Variants in MARCHF1 observed in about 807,000 individuals in gnomAD.
MARCHF1 encodes the protein membrane associated ring-CH-type finger 1, also known as E3 ubiquitin-protein ligase MARCHF1.
In MARCHF1, 40 loss-of-function variants were observed where a neutral mutation model predicts 54.2. The ratio of observed to expected loss-of-function variants is 0.74; its 90% CI spans 0.57 to 0.96. The LOEUF is 0.96. Ranked by LOEUF, MARCHF1 falls within the 40% of genes least tolerant of loss-of-function variation. The pLI, the probability that MARCHF1 is intolerant of heterozygous loss-of-function variation, is 0.00. For missense variants in MARCHF1, 586 were observed against 656.5 expected (o/e 0.89, Z 1.17); for synonymous variants, 236 against 236.3 (o/e 1.00, Z 0.01).
At chr4:163,556,884 AT>A (rs575344370) in intron 8 of MARCHF1, among the ~76,000 whole-genome samples, 5,175 of 143,764 alleles carry the variant, frequency 0.036, 222 homozygotes, top group African/African-American at 0.11. Context: ...AAAACTGAAG[AT>A]TTTTTTTTTT....
At chr4:163,583,140 G>A (rs1009370350) in intron 8 of MARCHF1, among the ~76,000 whole-genome samples, 1 of 152,188 alleles carries the variant, frequency 6.6e-6, no homozygotes, top group South Asian at 2.1e-4. Context: ...CTCAGGATCA[G>A]AAAGAGAGGG....
intron 4 of MARCHF1, among the ~76,000 whole-genome samples, chr4:163,786,191 G>A (rs778627929): frequency 3.3e-5 from 5 of 152,088 alleles, no homozygotes; most frequent in Non-Finnish European, 7.4e-5. Flanking sequence ...AAGCCACTAA[G>A]TTGTGTTAAT....
At chr4:163,646,598 T>TA (rs150131252) in intron 5 of MARCHF1, among the ~76,000 whole-genome samples, 21 of 152,014 alleles carry the variant, frequency 1.4e-4, no homozygotes, top group Non-Finnish European at 2.9e-4. Flanking sequence ...ATACACAATA[T>TA]AAAAATATGT....
At chr4:163,783,953 G>A (rs144584929) in intron 4 of MARCHF1, among the ~76,000 whole-genome samples, 52 of 152,060 alleles carry the variant, frequency 3.4e-4, no homozygotes, top group Non-Finnish European at 6.9e-4. Flanking sequence ...TTTTACCCTG[G>A]AAAAAATATA....
chr4:164,316,368 T>C (rs1450868984), intron 1 of MARCHF1, among the ~76,000 whole-genome samples: 1 of 152,190 alleles, frequency 6.6e-6, no homozygotes, highest in East Asian at 1.9e-4. Flanking sequence ...GCTCACCAGC[T>C]AGTTAGTATT....
chr4:163,720,496 G>A (rs1453228595), intron 4 of MARCHF1, among the ~76,000 whole-genome samples: 2 of 152,154 alleles, frequency 1.3e-5, no homozygotes, highest in African/African-American at 4.8e-5. Flanking sequence ...GCTTAAGATT[G>A]TCTTGGCAAT....
At chr4:163,763,200 G>A (rs1746877434) in intron 4 of MARCHF1, among the ~76,000 whole-genome samples, 1 of 151,914 alleles carries the variant, frequency 6.6e-6, no homozygotes. Flanking sequence ...AGAAATCAAG[G>A]GAGGCCCTAG....
At chr4:164,178,502 G>A (rs1323208368) in intron 1 of MARCHF1, among the ~76,000 whole-genome samples, 1 of 152,106 alleles carries the variant, frequency 6.6e-6, no homozygotes. Context: ...ATGTATGTGA[G>A]GTTTCCTTAC....
At chr4:164,227,167 C>T (rs1256688141) in intron 1 of MARCHF1, among the ~76,000 whole-genome samples, 2 of 152,096 alleles carry the variant, frequency 1.3e-5, no homozygotes, top group African/African-American at 4.8e-5. Context: ...ACTCACAATT[C>T]CACATGGCTG....
At chr4:164,068,628 A>G (rs570989887) in intron 2 of MARCHF1, among the ~76,000 whole-genome samples, 101 of 152,210 alleles carry the variant, frequency 6.6e-4, no homozygotes, top group Non-Finnish European at 1.3e-3. Context: ...GCCATGCCTG[A>G]GCCTCCCCCA....
intron 1 of MARCHF1, among the ~76,000 whole-genome samples, chr4:164,274,703 G>A (rs1338284024): frequency 2.1e-5 from 2 of 96,898 alleles, no homozygotes; most frequent in Non-Finnish European, 3.8e-5. Context: ...TTTAGACGGA[G>A]TCTCGCTCTG....
chr4:163,592,245 C>A (rs781284194), intron 7 of MARCHF1, among the ~76,000 whole-genome samples: 6 of 152,068 alleles, frequency 3.9e-5, no homozygotes, highest in Non-Finnish European at 8.8e-5. Context: ...CATGTGCAGA[C>A]GAGTGACAGT....
intron 5 of MARCHF1, among the ~76,000 whole-genome samples, chr4:163,687,496 C>G (rs915675433): frequency 1.3e-5 from 2 of 151,956 alleles, no homozygotes; most frequent in African/African-American, 4.8e-5. Flanking sequence ...AAGATCTTTG[C>G]TGAAAAAATA....
At position 163,661,789 on chromosome 4, in the gene MARCHF1, T is replaced by C. The variant is rs999100838; in HGVS notation, c.162+39024A>G. Among the ~76,000 whole-genome samples, 19 of 152,086 alleles carry C rather than the reference T, an allele frequency of 1.2e-4. 1 individual carries two copies. Among genetic ancestry groups the C allele is most frequent in the Non-Finnish European group, 1.5e-5 (1 of 67,988 alleles). On this transcript the variant is annotated intron_variant, in intron 5 of 9. Transcript: ENST00000514618. ...ATCTTCTTTCCTCTCCCTTTTCCCC[T>C]TGCAACTGCTGATTTCTTCCTGTTA...
intron 3 of MARCHF1, among the ~76,000 whole-genome samples, chr4:163,934,374 C>T (rs1751747779): frequency 6.6e-6 from 1 of 151,672 alleles, no homozygotes; most frequent in Admixed American, 6.6e-5. Context: ...ACCTGGGCAA[C>T]ATAGAAATGC....
At position 163,552,889 on chromosome 4, in the gene MARCHF1, T is replaced by C. The variant is rs369725269; in HGVS notation, c.1192-7146A>G. Among the ~76,000 whole-genome samples, 187 of 152,072 alleles carry C rather than the reference T, an allele frequency of 1.2e-3. 2 individuals are homozygous for C. Among genetic ancestry groups the C allele is most frequent in the African/African-American group, 4.1e-3 (172 of 41,470 alleles). ...TCTACTAAAAATACAAAAAATCAGC[T>C]GGGCATGGTGGCGGGCGCCTGTAGT... is the stretch of plus-strand genomic sequence containing the variant. On this transcript the variant is annotated intron_variant, in intron 8 of 9. Transcript: ENST00000514618.
chr4:163,927,513 G>A (rs1019172479), intron 3 of MARCHF1, among the ~76,000 whole-genome samples: 4 of 151,774 alleles, frequency 2.6e-5, no homozygotes, highest in South Asian at 2.1e-4. Context: ...AGGTGCTGCC[G>A]TTATATTTTC....
intron 5 of MARCHF1, among the ~76,000 whole-genome samples, chr4:163,663,278 T>C (rs993459988): frequency 6.6e-6 from 1 of 151,362 alleles, no homozygotes; most frequent in Non-Finnish European, 1.5e-5. Context: ...CTCAGGCCCA[T>C]TGCTTTATCT....
At chr4:164,090,886 CAG>C (rs1245393116) in intron 2 of MARCHF1, among the ~76,000 whole-genome samples, 1 of 152,036 alleles carries the variant, frequency 6.6e-6, no homozygotes, top group African/African-American at 2.4e-5. Context: ...GAACTAAGGG[CAG>C]AGAGAGATCC....
Sources: gnomAD v4.1 joint callset for allele counts (sites outside exome capture counted in the v4.1 genomes callset) on GRCh38, gnomAD v4.1.1 for gene constraint, MANE v1.5 for transcripts, NCBI Gene and HGNC (gene_info 2026-07-23, HGNC 2026-07-21) for gene names.